The following XKR4 variants were observed in gnomAD, a reference collection of about 807,000 sequenced individuals.
XKR4 encodes the protein XK-related protein 4.
In XKR4, 12 loss-of-function variants were observed where a neutral mutation model predicts 53.9. The observed-to-expected ratio is 0.22, with a 90% CI of 0.14 to 0.36. XKR4 has a LOEUF of 0.36. Ranked by LOEUF, XKR4 falls within the 10% of genes least tolerant of loss-of-function variation. The pLI, the probability that XKR4 is intolerant of heterozygous loss-of-function variation, is 1.00. For missense variants in XKR4, 799 were observed against 859.5 expected (o/e 0.93, Z 0.88); for synonymous variants, 354 against 362.4 (o/e 0.98, Z 0.26).
At chr8:55,205,819 G>A (rs530104746) in intron 1 of XKR4, among the ~76,000 whole-genome samples, 38 of 152,258 alleles carry the variant, frequency 2.5e-4, no homozygotes, top group Non-Finnish European at 5.3e-4. Flanking sequence ...TGGGTTCTTG[G>A]TCTCACTGAC....
intron 1 of XKR4, among the ~76,000 whole-genome samples, chr8:55,259,711 G>C (rs961934138): frequency 6.6e-6 from 1 of 152,084 alleles, no homozygotes; most frequent in Non-Finnish European, 1.5e-5. Flanking sequence ...CTACCTATCT[G>C]GTCATTTTAT....
At chr8:55,478,150 G>C (rs1806030888) in intron 2 of XKR4, among the ~76,000 whole-genome samples, 1 of 152,142 alleles carries the variant, frequency 6.6e-6, no homozygotes, top group South Asian at 2.1e-4. Flanking sequence ...CAGCCAGAGA[G>C]AAAGGCCGGG....
intron 2 of XKR4, among the ~76,000 whole-genome samples, chr8:55,433,233 A>G (rs1486371764): frequency 6.6e-6 from 1 of 152,228 alleles, no homozygotes; most frequent in Non-Finnish European, 1.5e-5. Flanking sequence ...AATTTCTTAA[A>G]TACTAGTTAA....
chr8:55,431,775 A>G (rs1156625585), intron 2 of XKR4, among the ~76,000 whole-genome samples: 1 of 152,188 alleles, frequency 6.6e-6, no homozygotes, highest in East Asian at 1.9e-4. Context: ...TTTTTTCTCA[A>G]CTGTCTTCTT....
intron 1 of XKR4, among the ~76,000 whole-genome samples, chr8:55,172,833 T>C (rs928929761): frequency 6.6e-6 from 1 of 152,162 alleles, no homozygotes; most frequent in African/African-American, 2.4e-5. Context: ...TTACGGGAAA[T>C]GCTCAAGGTT....
chr8:55,132,138 T>A (rs1339071183), intron 1 of XKR4, among the ~76,000 whole-genome samples: 3 of 152,196 alleles, frequency 2.0e-5, no homozygotes, highest in Admixed American at 2.0e-4. Context: ...TTCAATTTAT[T>A]GAGCTTGTAT....
intron 2 of XKR4, among the ~76,000 whole-genome samples, chr8:55,515,590 T>C (rs954912240): frequency 6.6e-6 from 1 of 152,204 alleles, no homozygotes; most frequent in African/African-American, 2.4e-5. Context: ...TCAACTCAAG[T>C]ATGGAACTGT....
At chr8:55,163,536 G>A (rs1284926251) in intron 1 of XKR4, among the ~76,000 whole-genome samples, 2 of 152,110 alleles carry the variant, frequency 1.3e-5, no homozygotes, top group African/African-American at 2.4e-5. Context: ...TACATAATTT[G>A]CATTATTTTA....
intron 2 of XKR4, among the ~76,000 whole-genome samples, chr8:55,508,828 C>T (rs1806582117): frequency 6.6e-6 from 1 of 152,230 alleles, no homozygotes; most frequent in African/African-American, 2.4e-5. Flanking sequence ...GCTGCTTATT[C>T]ATCAGGGTCA....
At position 55,529,869 on chromosome 8, in the gene XKR4, A is replaced by G. The variant is rs927707269; in HGVS notation, c.*5642A>G. On this transcript the variant is annotated 3_prime_UTR_variant, in exon 3 of 3. Coordinates refer to ENST00000327381, the MANE Select transcript of XKR4 (RefSeq NM_052898.2). Reference sequence around the variant, plus strand: ...TAAAATGGAAGTCTCTATCACCTGTAACTAAATTTTACCTTAACTCTAACT... The same window carrying G: ...TAAAATGGAAGTCTCTATCACCTGTGACTAAATTTTACCTTAACTCTAACT... 2 of 152,196 alleles carry G rather than the reference A, an allele frequency of 1.3e-5. No individual in the cohort carries two copies. Among genetic ancestry groups the G allele is most frequent in the African/African-American group, 4.8e-5 (2 of 41,446 alleles). The allele number at this position is 152,196 out of a possible 1,614,324, so 9.4% of individuals were successfully genotyped here.
intron 2 of XKR4, among the ~76,000 whole-genome samples, chr8:55,471,981 G>A (rs1325763334): frequency 6.6e-6 from 1 of 152,140 alleles, no homozygotes; most frequent in African/African-American, 2.4e-5. Flanking sequence ...TGATAGCAAT[G>A]AGAGAACAGA....
intron 1 of XKR4, among the ~76,000 whole-genome samples, chr8:55,288,385 AT>A (rs1337330271): frequency 6.6e-6 from 1 of 152,240 alleles, no homozygotes; most frequent in African/African-American, 2.4e-5. Flanking sequence ...GGGGTGTAAA[AT>A]TCATTTAATT....
intron 1 of XKR4, among the ~76,000 whole-genome samples, chr8:55,156,344 T>TTGCAGTAAAGACCG (rs1816906138): frequency 6.6e-6 from 1 of 151,006 alleles, no homozygotes; most frequent in Non-Finnish European, 1.5e-5. Flanking sequence ...GCGTAAAGAC[T>TTGCAGTAAAGACCG]CGTAAGGACT....
chr8:55,187,777 G>A (rs954623448), intron 1 of XKR4, among the ~76,000 whole-genome samples: 1 of 152,176 alleles, frequency 6.6e-6, no homozygotes, highest in Non-Finnish European at 1.5e-5. Context: ...GAGAAATTGA[G>A]ATAAGACAAG....
At chr8:55,130,296 CAG>C (rs769049607) in intron 1 of XKR4, among the ~76,000 whole-genome samples, 31 of 152,302 alleles carry the variant, frequency 2.0e-4, no homozygotes, top group Non-Finnish European at 4.3e-4. Flanking sequence ...CCATTTTATA[CAG>C]AGTGTTCTGC....
At chr8:55,272,577 G>T (rs1416064648) in intron 1 of XKR4, among the ~76,000 whole-genome samples, 2 of 152,130 alleles carry the variant, frequency 1.3e-5, no homozygotes, top group African/African-American at 4.8e-5. Flanking sequence ...TTGCCTGTCT[G>T]CCAGCCTGCC....
chr8:55,273,854 A>G (rs935624000), intron 1 of XKR4, among the ~76,000 whole-genome samples: 1 of 152,128 alleles, frequency 6.6e-6, no homozygotes, highest in South Asian at 2.1e-4. Context: ...CTCTTTCTCT[A>G]TAGCAATTCC....
intron 1 of XKR4, among the ~76,000 whole-genome samples, chr8:55,229,383 CG>C (rs997023009): frequency 1.3e-5 from 2 of 152,182 alleles, no homozygotes; most frequent in Non-Finnish European, 2.9e-5. Context: ...CCTCAGCTGG[CG>C]CTCCCTTCCC....
intron 1 of XKR4, among the ~76,000 whole-genome samples, chr8:55,192,834 G>T (rs900535771): frequency 3.9e-5 from 6 of 152,168 alleles, no homozygotes; most frequent in Admixed American, 1.3e-4. Flanking sequence ...TTACAGTGAG[G>T]CTGGGCCTTT....
Sources: allele counts gnomAD v4.1 joint callset (sites outside exome capture counted in the v4.1 genomes callset), GRCh38; gene constraint gnomAD v4.1.1; transcripts MANE v1.5; gene names NCBI Gene and HGNC (gene_info 2026-07-23, HGNC 2026-07-21).